Variants in ZBTB44 observed in about 807,000 individuals in gnomAD.
The protein encoded by ZBTB44 is zinc finger and BTB domain-containing protein 44.
In ZBTB44, 15 loss-of-function variants were observed where a neutral mutation model predicts 54.0. That is an observed-to-expected ratio of 0.28 (90% CI 0.19 to 0.43). ZBTB44 has a LOEUF of 0.43. Among genes scored for constraint, ZBTB44 ranks in the 20% least tolerant of loss-of-function variants. The pLI, the probability that ZBTB44 is intolerant of heterozygous loss-of-function variation, is 1.00. For missense variants in ZBTB44, 487 were observed against 707.1 expected, an observed-to-expected ratio of 0.69 and a Z score of 3.53; for synonymous variants, 230 against 250.1, an observed-to-expected ratio of 0.92 and a Z score of 0.76.
intron 1 of ZBTB44, among the ~76,000 whole-genome samples, chr11:130,305,501 T>G (rs142049925): frequency 6.0e-4 from 91 of 152,104 alleles, no homozygotes; most frequent in African/African-American, 2.1e-3. Context: ...AAACATAAAG[T>G]GGAGAAAGGA....
At chr11:130,268,221 T>TAAAA (rs1157408386) in intron 1 of ZBTB44, among the ~76,000 whole-genome samples, 6 of 141,024 alleles carry the variant, frequency 4.3e-5, no homozygotes, top group African/African-American at 8.5e-5. Context: ...CACGTCTAAT[T>TAAAA]TAAAAAAAAA....
chr11:130,271,361 T>C (rs1939657414), intron 1 of ZBTB44, among the ~76,000 whole-genome samples: 1 of 152,148 alleles, frequency 6.6e-6, no homozygotes, highest in Non-Finnish European at 1.5e-5. Context: ...CATGGGTCCT[T>C]AGAGAAATGG....
chr11:130,246,576 T>G (rs1243114987), intron 2 of ZBTB44, among the ~76,000 whole-genome samples: 2 of 152,222 alleles, frequency 1.3e-5, no homozygotes, highest in African/African-American at 4.8e-5. Flanking sequence ...CAAACTCAAG[T>G]TGCTGCTGCC....
At chr11:130,274,118 A>T (rs1359909862) in intron 1 of ZBTB44, among the ~76,000 whole-genome samples, 2 of 152,066 alleles carry the variant, frequency 1.3e-5, no homozygotes, top group Non-Finnish European at 2.9e-5. Flanking sequence ...GACCGAAAGT[A>T]TTTTGAATTT....
At chr11:130,299,658 C>G (rs972565440) in intron 1 of ZBTB44, among the ~76,000 whole-genome samples, 4 of 145,968 alleles carry the variant, frequency 2.7e-5, no homozygotes, top group African/African-American at 7.6e-5. Flanking sequence ...AACAAAATAA[C>G]AAGTCTTGGC....
chr11:130,238,404 A>G, intron 4 of ZBTB44, 40 bp downstream of exon 4: 1 of 1,547,210 alleles, frequency 6.5e-7, no homozygotes, highest in Non-Finnish European at 8.7e-7. Context: ...AAAATGTTTT[A>G]GAGCGTTCAC....
intron 2 of ZBTB44, among the ~76,000 whole-genome samples, chr11:130,251,668 C>A (rs1320108959): frequency 6.6e-6 from 1 of 152,188 alleles, no homozygotes; most frequent in Non-Finnish European, 1.5e-5. Flanking sequence ...CATATCCAGA[C>A]AAACTACGTT....
intron 1 of ZBTB44, among the ~76,000 whole-genome samples, chr11:130,279,234 C>T (rs1374737950): frequency 6.6e-6 from 1 of 151,296 alleles, no homozygotes. Context: ...CCCACAGTCA[C>T]CCTGGACTTA....
At chr11:130,282,614 G>C (rs1023689351) in intron 1 of ZBTB44, among the ~76,000 whole-genome samples, 2 of 152,208 alleles carry the variant, frequency 1.3e-5, no homozygotes, top group Non-Finnish European at 2.9e-5. Flanking sequence ...TCCAGGTAAA[G>C]AGCAATGTTG....
intron 1 of ZBTB44, among the ~76,000 whole-genome samples, chr11:130,304,974 G>T (rs1268081129): frequency 1.3e-5 from 2 of 152,116 alleles, no homozygotes; most frequent in Non-Finnish European, 2.9e-5. Context: ...ACCAAGCCGA[G>T]AATCAAATCA....
intron 1 of ZBTB44, among the ~76,000 whole-genome samples, chr11:130,282,331 C>T (rs1461084423): frequency 1.3e-5 from 2 of 152,196 alleles, no homozygotes; most frequent in African/African-American, 4.8e-5. Flanking sequence ...TTCCTGTAGT[C>T]ACTGTTCTAC....
At chr11:130,287,021 C>T (rs571736154) in intron 1 of ZBTB44, among the ~76,000 whole-genome samples, 2 of 152,336 alleles carry the variant, frequency 1.3e-5, no homozygotes, top group Non-Finnish European at 2.9e-5. Flanking sequence ...CTTCTACTGA[C>T]CAGCTAGAGT....
intron 1 of ZBTB44, among the ~76,000 whole-genome samples, chr11:130,287,865 GTAT>G (rs940322002): frequency 6.7e-6 from 1 of 148,952 alleles, no homozygotes; most frequent in Non-Finnish European, 1.5e-5. Flanking sequence ...AATATTTACC[GTAT>G]TATAAATTAA....
intron 1 of ZBTB44, among the ~76,000 whole-genome samples, chr11:130,268,745 A>AT (rs1300663775): frequency 1.3e-5 from 2 of 151,632 alleles, no homozygotes; most frequent in Non-Finnish European, 2.9e-5. Flanking sequence ...CACCTGGCTA[A>AT]TTTTTTGTAA....
intron 1 of ZBTB44, among the ~76,000 whole-genome samples, chr11:130,297,733 C>A (rs1156269693): frequency 6.6e-6 from 1 of 152,190 alleles, no homozygotes; most frequent in Admixed American, 6.5e-5. Flanking sequence ...CCAACCCTAC[C>A]TATGCCTGAT....
chr11:130,291,684 A>AT (rs950449006), intron 1 of ZBTB44, among the ~76,000 whole-genome samples: 20 of 152,304 alleles, frequency 1.3e-4, no homozygotes, highest in African/African-American at 4.3e-4. Context: ...GTTTGATAGC[A>AT]TATCAATTTA....
chr11:130,250,896 G>A (rs1033357162), intron 2 of ZBTB44, among the ~76,000 whole-genome samples: 3 of 152,122 alleles, frequency 2.0e-5, no homozygotes, highest in African/African-American at 7.2e-5. Flanking sequence ...CCAAATGACT[G>A]CAACTCCTCT....
intron 1 of ZBTB44, among the ~76,000 whole-genome samples, chr11:130,302,849 C>T (rs1942059136): frequency 6.6e-6 from 1 of 152,046 alleles, no homozygotes; most frequent in Non-Finnish European, 1.5e-5. Flanking sequence ...GTGGTGCGCA[C>T]CTGTAATCCC....
intron 1 of ZBTB44, among the ~76,000 whole-genome samples, chr11:130,311,108 T>G (rs1214307222): frequency 6.6e-6 from 1 of 152,198 alleles, no homozygotes; most frequent in African/African-American, 2.4e-5. Flanking sequence ...CGAAAATAAA[T>G]GCAAAGAAAT....
Sources: gnomAD v4.1 joint callset for allele counts (sites outside exome capture counted in the v4.1 genomes callset) on GRCh38, gnomAD v4.1.1 for gene constraint, MANE v1.5 for transcripts, NCBI Gene and HGNC (gene_info 2026-07-23, HGNC 2026-07-21) for gene names.